The following NBEA variants were observed in gnomAD, a reference collection of about 807,000 sequenced individuals.
The protein encoded by NBEA is lysosomal-trafficking regulator 2.
In NBEA, 44 loss-of-function variants were observed where a neutral mutation model predicts 343.4. The ratio of observed to expected loss-of-function variants is 0.13; its 90% CI spans 0.10 to 0.16. The LOEUF is 0.16. Ranked by LOEUF, NBEA falls within the 10% of genes least tolerant of loss-of-function variation. The pLI, the probability that NBEA is intolerant of heterozygous loss-of-function variation, is 1.00. For synonymous variants in NBEA, 1,175 were observed against 1,238.7 expected, an observed-to-expected ratio of 0.95 and a Z score of 1.08; for missense variants, 2,555 against 3,631.3, an observed-to-expected ratio of 0.70 and a Z score of 7.62.
intron 34 of NBEA, among the ~76,000 whole-genome samples, chr13:35,266,274 A>G (rs1182129968): frequency 6.6e-6 from 1 of 151,846 alleles, no homozygotes; most frequent in African/African-American, 2.4e-5. Flanking sequence ...GGAAAACAGA[A>G]TGGAGGTTCT....
At chr13:35,164,281 A>T in intron 23 of NBEA, 75 bp from the exon 24 acceptor site, 3 of 1,297,830 alleles carry the variant, frequency 2.3e-6, no homozygotes, top group African/African-American at 1.5e-5. Flanking sequence ...ATAATTTTTC[A>T]CTTGTTATTC....
At chr13:35,412,118 A>G (rs1358122228) in intron 38 of NBEA, among the ~76,000 whole-genome samples, 1 of 152,084 alleles carries the variant, frequency 6.6e-6, no homozygotes, top group Non-Finnish European at 1.5e-5. Flanking sequence ...TCCATGCATA[A>G]TGTTTTCATA....
At chr13:35,236,473 G>A (rs1051925938) in intron 34 of NBEA, among the ~76,000 whole-genome samples, 2 of 150,266 alleles carry the variant, frequency 1.3e-5, no homozygotes, top group African/African-American at 2.5e-5. Flanking sequence ...TTGAGACGGA[G>A]TCTTGCTCTG....
At chr13:34,978,375 A>T (rs999081537) in intron 1 of NBEA, among the ~76,000 whole-genome samples, 1 of 152,136 alleles carries the variant, frequency 6.6e-6, no homozygotes, top group South Asian at 2.1e-4. Flanking sequence ...ACTTTATCAC[A>T]TATCTGTATT....
At position 35,121,590 on chromosome 13, in the gene NBEA, A is replaced by G. The variant is rs181197598; in HGVS notation, c.2244-1892A>G. On this transcript the variant is annotated intron_variant, in intron 16 of 58. Coordinates refer to ENST00000379939, the MANE Select transcript of NBEA (RefSeq NM_001385012.1). ...AAAATGGATTTCAGTGTAAACCCATACATATTTATGAATGTGGGATTTGAA... is the reference window on the plus strand; with the variant it reads ...AAAATGGATTTCAGTGTAAACCCATGCATATTTATGAATGTGGGATTTGAA... Among the ~76,000 whole-genome samples the G allele has an allele frequency of 3.2e-3, 485 of 152,002 alleles. 1 individual carries two copies. Among genetic ancestry groups the G allele is most frequent in the Non-Finnish European group, 5.4e-3 (368 of 67,996 alleles).
intron 40 of NBEA, among the ~76,000 whole-genome samples, chr13:35,458,812 T>A (rs984604661): frequency 2.0e-5 from 3 of 152,174 alleles, no homozygotes; most frequent in African/African-American, 7.2e-5. Context: ...ATACCGCACC[T>A]ACTGTTACTG....
At chr13:35,367,363 G>A (rs2041180061) in intron 38 of NBEA, among the ~76,000 whole-genome samples, 1 of 151,264 alleles carries the variant, frequency 6.6e-6, no homozygotes, top group South Asian at 2.1e-4. Context: ...TGAAGATAAG[G>A]TGGATATGTG....
At chr13:35,122,290 A>G (rs1011203537) in intron 16 of NBEA, among the ~76,000 whole-genome samples, 2 of 152,138 alleles carry the variant, frequency 1.3e-5, no homozygotes, top group African/African-American at 4.8e-5. Context: ...TTGTGGCACT[A>G]TTCACAATAG....
chr13:35,352,816 A>G (rs1169896487), intron 38 of NBEA, among the ~76,000 whole-genome samples: 2 of 152,092 alleles, frequency 1.3e-5, no homozygotes, highest in African/African-American at 2.4e-5. Flanking sequence ...TTTCATCTCA[A>G]ATATGATTGT....
chr13:35,458,247 A>G lies in NBEA; in HGVS notation c.6448+6012A>G, dbSNP rs201692922. On this transcript the variant is annotated intron_variant, in intron 40 of 58. Coordinates refer to ENST00000379939, the MANE Select transcript of NBEA (RefSeq NM_001385012.1). ...ATGTTATTATCTGTCTTCCTTTATT[A>G]TAGCCGCCCCACCACATTTTGATTG... Among the ~76,000 whole-genome samples the G allele has an allele frequency of 1.4e-3, 215 of 152,232 alleles. 4 individuals are homozygous for G. The South Asian group carries it at 0.032, about 23-fold the overall frequency.
At position 35,251,334 on chromosome 13, in the gene NBEA, C is replaced by T. The variant is rs2031931406; in HGVS notation, c.5776+18715C>T. Reference sequence around the variant, plus strand: ...TCCGCTTCCAGCCTGTCACTGCCAGCTTCCTCACATCCTCACCAGCCTTGG... The same window carrying T: ...TCCGCTTCCAGCCTGTCACTGCCAGTTTCCTCACATCCTCACCAGCCTTGG... On this transcript the variant is annotated intron_variant, in intron 34 of 58. Transcript: ENST00000379939. 1.4e-5 allele frequency: 14 copies of T among 993,834 alleles called. No individual in the cohort carries two copies. In the South Asian group the frequency reaches 5.3e-4, roughly 37 times the overall value. 61.6% of individuals were successfully genotyped at this position (993,834 alleles called of 1,614,324 possible). A position where few individuals can be genotyped will look rare whatever the true frequency, so the allele number is the denominator to read the frequency against.
intron 34 of NBEA, among the ~76,000 whole-genome samples, chr13:35,284,211 C>T (rs989889867): frequency 6.6e-6 from 1 of 152,068 alleles, no homozygotes; most frequent in African/African-American, 2.4e-5. Context: ...AGTTTGCTGC[C>T]CCCTAATATA....
intron 41 of NBEA, chr13:35,476,358 TC>T: frequency 8.0e-7 from 1 of 1,245,230 alleles, no homozygotes; most frequent in East Asian, 2.5e-5. Context: ...CTGCTGCTTT[TC>T]CCTTCCTTTT....
chr13:35,123,456 T>A (rs1021786892), intron 16 of NBEA, 26 bp from the exon 17 acceptor site: 2 of 1,347,148 alleles, frequency 1.5e-6, no homozygotes, highest in Non-Finnish European at 2.0e-6. Context: ...AGTAAGTTTT[T>A]AAAAGATAAT....
intron 47 of NBEA, among the ~76,000 whole-genome samples, chr13:35,601,964 G>T (rs908007906): frequency 3.9e-5 from 6 of 151,938 alleles, no homozygotes; most frequent in Non-Finnish European, 7.4e-5. Context: ...TATAAAGCGG[G>T]AATAATGAGA....
intron 31 of NBEA, among the ~76,000 whole-genome samples, chr13:35,196,890 G>A (rs1478751942): frequency 6.6e-6 from 1 of 151,952 alleles, no homozygotes; most frequent in Non-Finnish European, 1.5e-5. Flanking sequence ...AGGTATTTTG[G>A]CATTTTAGGT....
intron 58 of NBEA, among the ~76,000 whole-genome samples, chr13:35,669,995 G>A (rs913140163): frequency 6.6e-6 from 1 of 151,874 alleles, no homozygotes; most frequent in African/African-American, 2.4e-5. Flanking sequence ...ATGGAGGGGG[G>A]AAAGATACTA....
chr13:35,052,295 A>G (rs1179869969), intron 6 of NBEA, among the ~76,000 whole-genome samples: 9 of 152,068 alleles, frequency 5.9e-5, no homozygotes, highest in Non-Finnish European at 1.3e-4. Flanking sequence ...TCTTTACATT[A>G]AAGCTTTTGC....
intron 47 of NBEA, among the ~76,000 whole-genome samples, chr13:35,602,610 T>C (rs573585020): frequency 2.0e-5 from 3 of 152,230 alleles, no homozygotes; most frequent in African/African-American, 4.8e-5. Context: ...GAGAGTTTCT[T>C]TGTCCCTTCA....
Sources: allele counts gnomAD v4.1 joint callset (sites outside exome capture counted in the v4.1 genomes callset), GRCh38; gene constraint gnomAD v4.1.1; transcripts MANE v1.5; gene names NCBI Gene and HGNC (gene_info 2026-07-23, HGNC 2026-07-21).